F10: variants seen among roughly 807,000 people sequenced by gnomAD.
F10 encodes the protein Stuart-Prower factor.
Under a neutral mutation model 37.1 loss-of-function variants are expected in F10, and 29 were observed. The ratio of observed to expected loss-of-function variants is 0.78; its 90% CI spans 0.58 to 1.07. The LOEUF is 1.07. Among genes scored for constraint, F10 ranks in the 50% least tolerant of loss-of-function variants. The pLI, the probability that F10 is intolerant of heterozygous loss-of-function variation, is 0.00. For synonymous variants in F10, 262 were observed against 268.6 expected, an observed-to-expected ratio of 0.98 and a Z score of 0.24; for missense variants, 539 against 667.9, an observed-to-expected ratio of 0.81 and a Z score of 2.13.
At chr13:113,132,764 G>A (rs1360877739) in intron 2 of F10, among the ~76,000 whole-genome samples, 1 of 152,146 alleles carries the variant, frequency 6.6e-6, no homozygotes. Flanking sequence ...GAATCTAATG[G>A]ACATTTATAG....
chr13:113,149,486 C>T lies in F10; in HGVS notation c.1436C>T (p.Pro479Leu), dbSNP rs370977537. The T allele has an allele frequency of 2.1e-5, 34 of 1,613,120 alleles. No individual in the cohort carries two copies. Among genetic ancestry groups the T allele is most frequent in the African/African-American group, 4.0e-5 (3 of 74,952 alleles). ...RGLPKAKSHAPEVITSSPLK is the reference protein window; with the variant it reads ...RGLPKAKSHALEVITSSPLK ...TTGCCCAAGGCCAAGAGCCATGCCC[C>T]GGAGGTCATAACGTCCTCTCCATTA... Residue 479 changes from proline (P) to leucine (L), a missense_variant, in exon 8 of 8, where the codon CCG (proline) becomes CTG (leucine). Physicochemically the swap from Pro to Leu is moderately conservative, Grantham distance 98. Transcript: ENST00000375559. This position sits in a 1 kb window ranked among gnomAD's most constrained non-coding sequence, Gnocchi z 7.5.
intron 2 of F10, chr13:113,131,558 A>C (rs1342291715): frequency 6.6e-6 from 1 of 152,354 alleles, no homozygotes; most frequent in East Asian, 1.9e-4. Flanking sequence ...GAAACTCAAA[A>C]AATTATTGGT....
rs758807021 is a variant in F10, at chr13:113,149,389, G to A, written c.1339G>A (p.Gly447Arg). The A allele has an allele frequency of 6.3e-7, 1 of 1,590,870 alleles. No homozygotes were observed. The highest frequency in any genetic ancestry group is 1.7e-5 in the Admixed American group (1 of 57,984). ...VSWGEGCARK[G>R]KYGIYTKVTA... ...CTGGGGAGAGGGCTGTGCCCGTAAGGGGAAGTACGGGATCTACACCAAGGT... is the reference window on the plus strand; with the variant it reads ...CTGGGGAGAGGGCTGTGCCCGTAAGAGGAAGTACGGGATCTACACCAAGGT... The change falls in exon 8 of 8, where the codon GGG (glycine) becomes AGG (arginine). Residue 447 changes from glycine (G) to arginine (R), a missense_variant. This residue lies in a region of F10 where 409 missense variants were observed against 547.9 expected (regional missense o/e 0.75). Coordinates refer to ENST00000375559, the MANE Select transcript of F10 (RefSeq NM_000504.4). This position sits in a 1 kb window ranked among gnomAD's most constrained non-coding sequence, Gnocchi z 7.5.
chr13:113,128,890 A>G (rs866841940), intron 1 of F10: 2,852 of 147,790 alleles, frequency 0.019, 17 homozygotes, highest in African/African-American at 0.045. Context: ...TAAAGAGAAA[A>G]AAAAAAAAAA....
chr13:113,129,699 G>C (rs961977798), intron 2 of F10, 87 bp downstream of exon 2: 54 of 1,563,408 alleles, frequency 3.5e-5, no homozygotes, highest in Non-Finnish European at 4.5e-5. Context: ...ATCCAGGGGG[G>C]CGGCCTGGAG....
chr13:113,129,447 T>G lies in F10; in HGVS notation c.71-5T>G. On this transcript the variant is annotated splice_polypyrimidine_tract_variant and splice_region_variant and intron_variant, in intron 1 of 7. Transcript: ENST00000375559. The stretch of plus-strand genomic sequence containing the variant: ...GCTTTTAACCCTGTCCTCCCTGCCT[T>G]CCAGTGTTCATCCGCAGGGAGCAGG... The G allele has an allele frequency of 1.2e-6, 2 of 1,613,442 alleles. No homozygotes were observed. The highest frequency in any genetic ancestry group is 1.7e-6 in the Non-Finnish European group (2 of 1,179,974).
intron 3 of F10, among the ~76,000 whole-genome samples, 185 bp downstream of exon 3, chr13:113,138,666 T>G (rs1566918743): frequency 6.6e-6 from 1 of 152,250 alleles, no homozygotes; most frequent in Non-Finnish European, 1.5e-5. Flanking sequence ...ATACTAATCC[T>G]AGTTTTGTTA....
chr13:113,146,831 C>T lies in F10; in HGVS notation c.748-548C>T, dbSNP rs898091275. ...CTCCCTAGGGACAGCATGTGGCACCCCTGTCAGTGCTTGCTCCCCTGGGAC... is the reference window on the plus strand; with the variant it reads ...CTCCCTAGGGACAGCATGTGGCACCTCTGTCAGTGCTTGCTCCCCTGGGAC... On this transcript the variant is annotated intron_variant, in intron 6 of 7. Coordinates refer to ENST00000375559, the MANE Select transcript of F10 (RefSeq NM_000504.4). The surrounding 1 kb of genome is among the most constrained non-coding windows in gnomAD (Gnocchi z 4.5). Among the ~76,000 whole-genome samples the T allele has an allele frequency of 6.6e-6, 1 of 152,156 alleles. No homozygotes were observed. The highest frequency in any genetic ancestry group is 1.5e-5 in the Non-Finnish European group (1 of 68,032).
chr13:113,126,805 A>T (rs2036375062), intron 1 of F10, among the ~76,000 whole-genome samples: 1 of 152,174 alleles, frequency 6.6e-6, no homozygotes, highest in South Asian at 2.1e-4. Context: ...AACTTGTCTG[A>T]GGCTGTGGTC....
At chr13:113,138,766 G>A (rs924215517) in intron 3 of F10, among the ~76,000 whole-genome samples, 2 of 152,124 alleles carry the variant, frequency 1.3e-5, no homozygotes, top group African/African-American at 4.8e-5. Context: ...AGTGTATTCG[G>A]TAAAAGCAAA....
chr13:113,147,065 C>T (rs2036589118), intron 6 of F10, among the ~76,000 whole-genome samples: 1 of 152,204 alleles, frequency 6.6e-6, no homozygotes, highest in Non-Finnish European at 1.5e-5. Context: ...AATCCTGCCA[C>T]AGAGACGGGA....
At chr13:113,124,282 C>A (rs1244849465) in intron 1 of F10, among the ~76,000 whole-genome samples, 1 of 152,216 alleles carries the variant, frequency 6.6e-6, no homozygotes, top group Non-Finnish European at 1.5e-5. Context: ...CCCACCCAGA[C>A]CCACAGGAGG....
intron 2 of F10, among the ~76,000 whole-genome samples, chr13:113,137,849 T>C (rs1301895830): frequency 6.6e-6 from 1 of 152,218 alleles, no homozygotes; most frequent in Non-Finnish European, 1.5e-5. Context: ...TGACCCAGCA[T>C]GATCTCTTCT....
At chr13:113,129,693 A>AG (rs916901842) in intron 2 of F10, 81 bp downstream of exon 2, 7 of 1,585,800 alleles carry the variant, frequency 4.4e-6, no homozygotes, top group Admixed American at 3.3e-5. Context: ...CCGTCCATCC[A>AG]GGGGGGCGGC....
rs934708984 is a variant in F10 at position 113,138,340 on chromosome 13, G to A, written c.232-117G>A. The A allele has an allele frequency of 1.4e-5, 8 of 582,162 alleles. No homozygotes were observed. The Admixed American group carries it at 2.2e-4, about 16-fold the overall frequency. The allele number at this position is 582,162 out of a possible 1,614,324, so 36.1% of individuals were successfully genotyped here. ...GTTCTAGAACAATTCATTCCTAAAAGTGACTTCCATTGGGGAAAATATCCT... is the reference window on the plus strand; with the variant it reads ...GTTCTAGAACAATTCATTCCTAAAAATGACTTCCATTGGGGAAAATATCCT... On this transcript the variant is annotated intron_variant, in intron 2 of 7. Transcript: ENST00000375559.
chr13:113,140,866 C>T, intron 4 of F10, 53 bp from the exon 5 acceptor site: 1 of 1,613,316 alleles, frequency 6.2e-7, no homozygotes, highest in Non-Finnish European at 8.5e-7. Context: ...TTGGGCCAGC[C>T]CAGCCTCCAT....
In F10 at chr13:113,135,710, C is replaced by G. The variant is rs1327262863; in HGVS notation, c.232-2747C>G. ...ATATATTTATATGCAAAAAAATGAACCTGACCTAAACTTCACAATTATACA... is the reference window on the plus strand; with the variant it reads ...ATATATTTATATGCAAAAAAATGAAGCTGACCTAAACTTCACAATTATACA... On this transcript the variant is annotated intron_variant, in intron 2 of 7. Transcript: ENST00000375559. Among the ~76,000 whole-genome samples, 4 of 152,048 alleles carry G rather than the reference C, an allele frequency of 2.6e-5. 1 individual carries two copies. The East Asian group carries it at 7.7e-4, about 29-fold the overall frequency.
intron 2 of F10, among the ~76,000 whole-genome samples, chr13:113,138,115 T>A (rs1317709344): frequency 6.6e-6 from 1 of 152,226 alleles, no homozygotes; most frequent in Non-Finnish European, 1.5e-5. Context: ...GAATGTTAAC[T>A]CAGGCATAGC....
chr13:113,140,105 G>A (rs534554385), intron 4 of F10, among the ~76,000 whole-genome samples: 7 of 126,894 alleles, frequency 5.5e-5, no homozygotes, highest in Admixed American at 1.0e-4. Context: ...ATGGAGTCTC[G>A]CTCTGTGGCC....
Sources: gnomAD v4.1 joint callset for allele counts (sites outside exome capture counted in the v4.1 genomes callset) on GRCh38, gnomAD v4.1.1 for gene constraint, gnomAD v4.1.1 regional missense constraint, Gnocchi (gnomAD v3.1) non-coding constraint, MANE v1.5 for transcripts, NCBI Gene and HGNC (gene_info 2026-07-23, HGNC 2026-07-21) for gene names.